The following PUM3 variants were observed in gnomAD, a reference collection of about 807,000 sequenced individuals.
PUM3 encodes pumilio RNA binding family member 3, also known as pumilio homolog 3.
A neutral mutation model predicts 84.0 loss-of-function variants in PUM3; 91 were observed. The observed-to-expected ratio is 1.08, with a 90% CI of 0.91 to 1.29. PUM3 has a LOEUF of 1.29. Among genes scored for constraint, PUM3 ranks in the 50% most tolerant of loss-of-function variants. The pLI, the probability that PUM3 is intolerant of heterozygous loss-of-function variation, is 0.00. For synonymous variants in PUM3, 321 were observed against 266.7 expected (o/e 1.20, Z -1.98); for missense variants, 1,067 against 767.5 (o/e 1.39, Z -4.61).
rs755458031 is a variant in PUM3 at position 2,834,069 on chromosome 9, A to G, written c.402T>C (p.Ile134=). 6.8e-6 allele frequency: 11 copies of G among 1,613,444 alleles called. No homozygotes were observed. The South Asian group carries it at 1.1e-4, about 16-fold the overall frequency. ...RQLSDKTNYD[I]VVRAKQMWEI... ...CCCACATCTGCTTTGCCCGAACAAC[A>G]ATGTCATAGTTGGTTTTATCACTGA... The change falls in exon 4 of 18, where the codon ATT becomes ATC. Residue 134 remains isoleucine, a synonymous_variant. Transcript: ENST00000397885.
At chr9:2,824,684 A>G (rs761480610) in intron 11 of PUM3, 33 bp downstream of exon 11, 1 of 1,381,356 alleles carries the variant, frequency 7.2e-7, no homozygotes, top group Non-Finnish European at 9.8e-7. Context: ...CCTGACTTGT[A>G]CAGTTTAAAT....
intron 1 of PUM3, among the ~76,000 whole-genome samples, chr9:2,841,714 C>CA (rs766046609): frequency 0.035 from 3,406 of 98,078 alleles, 52 homozygotes; most frequent in African/African-American, 0.042. Context: ...TGCTGCAGGC[C>CA]AAAAAAAAAA....
At chr9:2,830,381 G>T (rs549811842) in intron 7 of PUM3, among the ~76,000 whole-genome samples, 16 of 152,282 alleles carry the variant, frequency 1.1e-4, no homozygotes, top group African/African-American at 3.6e-4. Context: ...CACTCAAAAA[G>T]ATTGGTCAAG....
chr9:2,805,072 T>G (rs943041798), intron 17 of PUM3, among the ~76,000 whole-genome samples: 3 of 152,186 alleles, frequency 2.0e-5, no homozygotes, highest in African/African-American at 7.2e-5. Context: ...AAGAGCATGC[T>G]ATGTAAACTC....
intron 7 of PUM3, among the ~76,000 whole-genome samples, chr9:2,830,570 C>T (rs573665459): frequency 3.3e-5 from 5 of 152,292 alleles, no homozygotes; most frequent in African/African-American, 1.2e-4. Flanking sequence ...TAAACATTCA[C>T]AAATCATCCA....
chr9:2,828,380 G>A (rs1586725310), intron 9 of PUM3: 1 of 288,914 alleles, frequency 3.5e-6, no homozygotes, highest in South Asian at 4.4e-5. Context: ...TTGTGAAACT[G>A]TTTAGTATAC....
chr9:2,826,616 G>C (rs541493977), intron 10 of PUM3, among the ~76,000 whole-genome samples: 136 of 152,302 alleles, frequency 8.9e-4, no homozygotes, highest in African/African-American at 2.9e-3. Context: ...TTGAAGGGCA[G>C]TGCAATTTAC....
Position 2,833,993 on chromosome 9 carries a change from G to A in PUM3, c.440+38C>T, listed in dbSNP as rs535708490. On this transcript the variant is annotated intron_variant, in intron 4 of 17. Transcript: ENST00000397885. ...AAGGTACACTGACTTCTCCACTGTT[G>A]CAAAGGGACTAACAAAGGCATCTTT... 29 of 1,602,022 alleles carry A rather than the reference G, an allele frequency of 1.8e-5. No individual in the cohort carries two copies. In the East Asian group the frequency reaches 6.0e-4, roughly 33 times the overall value.
intron 13 of PUM3, among the ~76,000 whole-genome samples, chr9:2,818,530 A>G (rs1821519562): frequency 6.6e-6 from 1 of 152,130 alleles, no homozygotes; most frequent in Non-Finnish European, 1.5e-5. Flanking sequence ...ACAAAAGCAA[A>G]CTTTCAATAT....
intron 3 of PUM3, 62 bp from the exon 4 acceptor site, chr9:2,834,228 A>G (rs916419378): frequency 1.4e-6 from 2 of 1,445,964 alleles, no homozygotes; most frequent in Admixed American, 3.9e-5. Flanking sequence ...ACACCAATAC[A>G]AATTAGGTAA....
intron 3 of PUM3, among the ~76,000 whole-genome samples, chr9:2,834,547 T>G (rs908900366): frequency 6.6e-6 from 1 of 152,188 alleles, no homozygotes; most frequent in South Asian, 2.1e-4. Flanking sequence ...TTAGTCCAAA[T>G]GAAAACAAGA....
Position 2,831,349 on chromosome 9 carries a change from A to T in PUM3, c.517-5T>A. 2 of 1,591,038 alleles carry T rather than the reference A, an allele frequency of 1.3e-6. No homozygotes were observed. Among genetic ancestry groups the T allele is most frequent in the South Asian group, 2.2e-5 (2 of 88,960 alleles). On this transcript the variant is annotated splice_region_variant and splice_polypyrimidine_tract_variant and intron_variant, in intron 5 of 17. Transcript: ENST00000397885. ...TGAATCGTGTGCAAATGCAATCTGC[A>T]GGAAAAAGTTTGAGTTAGACTAATT...
At chr9:2,805,769 G>T (rs751071120) in intron 17 of PUM3, among the ~76,000 whole-genome samples, 1 of 151,652 alleles carries the variant, frequency 6.6e-6, no homozygotes, top group African/African-American at 2.4e-5. Context: ...TTTTCATAAC[G>T]ACCATAGGGT....
chr9:2,833,755 G>A (rs529192769), intron 4 of PUM3, among the ~76,000 whole-genome samples: 6 of 152,268 alleles, frequency 3.9e-5, no homozygotes, highest in African/African-American at 1.4e-4. Context: ...ATAAGAAATT[G>A]TCCTTCATTT....
At chr9:2,832,502 G>A (rs1250738299) in intron 5 of PUM3, among the ~76,000 whole-genome samples, 1 of 152,142 alleles carries the variant, frequency 6.6e-6, no homozygotes, top group Non-Finnish European at 1.5e-5. Context: ...AGAAGTTATT[G>A]TTATTGTTTA....
chr9:2,820,381 T>A (rs1483524486), intron 12 of PUM3, among the ~76,000 whole-genome samples: 1 of 152,140 alleles, frequency 6.6e-6, no homozygotes, highest in Non-Finnish European at 1.5e-5. Context: ...AACTAATACC[T>A]ATTTACATAG....
chr9:2,804,610 G>A, intron 17 of PUM3, 147 bp from the exon 18 acceptor site: 1 of 746,638 alleles, frequency 1.3e-6, no homozygotes, highest in Non-Finnish European at 2.0e-6. Context: ...GATGAATGAT[G>A]AGACCAGTAG....
chr9:2,824,571 G>T, intron 11 of PUM3, 146 bp downstream of exon 11: 1 of 425,296 alleles, frequency 2.4e-6, no homozygotes. Flanking sequence ...TTCCCATCAG[G>T]CTCTAAGGCA....
At chr9:2,817,353 T>C (rs1586720243) in intron 13 of PUM3, among the ~76,000 whole-genome samples, 1 of 152,248 alleles carries the variant, frequency 6.6e-6, no homozygotes, top group East Asian at 1.9e-4. Context: ...TCTTGCAAGC[T>C]AATAATGGTT....
Sources: gnomAD v4.1 joint callset for allele counts (sites outside exome capture counted in the v4.1 genomes callset) on GRCh38, gnomAD v4.1.1 for gene constraint, MANE v1.5 for transcripts, NCBI Gene and HGNC (gene_info 2026-07-23, HGNC 2026-07-21) for gene names.